Variants in ARL8B observed in about 807,000 individuals in gnomAD.
ARL8B encodes the protein ADP-ribosylation factor-like protein 8B.
A neutral mutation model predicts 30.6 loss-of-function variants in ARL8B; 9 were observed. That is an observed-to-expected ratio of 0.29 (90% confidence interval 0.18 to 0.51). The LOEUF is 0.51. Ranked by LOEUF, ARL8B falls within the 20% of genes least tolerant of loss-of-function variation. ARL8B has a pLI of 0.97. For synonymous variants in ARL8B, 74 were observed against 76.0 expected (o/e 0.97, Z 0.14); for missense variants, 130 against 227.2 (o/e 0.57, Z 2.75).
At position 5,180,819 on chromosome 3, in the gene ARL8B, G is replaced by T. The variant is rs2054771882; in HGVS notation, c.*2106G>T. 1 of 126,950 alleles carries T rather than the reference G, an allele frequency of 7.9e-6. No individual in the cohort carries two copies. The highest frequency in any genetic ancestry group is 3.4e-5 in the African/African-American group (1 of 29,478). The allele number at this position is 126,950 out of a possible 1,614,324, so 7.9% of individuals were successfully genotyped here. A position where few individuals can be genotyped will look rare whatever the true frequency, so the allele number is the denominator to read the frequency against. ...ACTTTTTTGGAAGTTTCCGAGAGGA[G>T]GGTCTATAGACCATTTGTCAGAAAT... On this transcript the variant is annotated 3_prime_UTR_variant, in exon 7 of 7. Coordinates refer to ENST00000256496, the MANE Select transcript of ARL8B (RefSeq NM_018184.3).
At chr3:5,154,160 CT>C (rs1234612901) in intron 1 of ARL8B, among the ~76,000 whole-genome samples, 1 of 151,824 alleles carries the variant, frequency 6.6e-6, no homozygotes, top group Non-Finnish European at 1.5e-5. Flanking sequence ...GTAATTTTGT[CT>C]TTGGAAATTT....
chr3:5,158,439 C>T (rs1378185371), intron 1 of ARL8B, among the ~76,000 whole-genome samples: 1 of 152,138 alleles, frequency 6.6e-6, no homozygotes, highest in Admixed American at 6.5e-5. Context: ...GTTCAAAATG[C>T]TGTATGTGTT....
At chr3:5,172,891 C>T (rs1173247023) in intron 4 of ARL8B, 151 bp downstream of exon 4, 1 of 584,586 alleles carries the variant, frequency 1.7e-6, no homozygotes, top group African/African-American at 1.9e-5. Context: ...CTGCCATATA[C>T]TGGGCATTGT....
intron 4 of ARL8B, among the ~76,000 whole-genome samples, chr3:5,173,713 T>TCAAACAAACAAA (rs10552472): frequency 1.7e-4 from 26 of 151,258 alleles, no homozygotes; most frequent in South Asian, 1.5e-3. Context: ...AGACTCTGTC[T>TCAAACAAACAAA]CAAACAAACA....
At chr3:5,151,930 T>C (rs997955378) in intron 1 of ARL8B, among the ~76,000 whole-genome samples, 3 of 152,176 alleles carry the variant, frequency 2.0e-5, no homozygotes, top group Non-Finnish European at 4.4e-5. Flanking sequence ...TCTTGCCATG[T>C]AACTTAGGCC....
At chr3:5,140,844 C>T (rs1299954029) in intron 1 of ARL8B, among the ~76,000 whole-genome samples, 3 of 152,202 alleles carry the variant, frequency 2.0e-5, no homozygotes, top group Non-Finnish European at 2.9e-5. Context: ...CTCATTTACT[C>T]ATCCAAACCC....
At chr3:5,151,023 A>G (rs1460869294) in intron 1 of ARL8B, among the ~76,000 whole-genome samples, 1 of 151,918 alleles carries the variant, frequency 6.6e-6, no homozygotes, top group African/African-American at 2.4e-5. Context: ...TATCTTTTTT[A>G]ATGTCGGTGG....
At chr3:5,151,105 C>G (rs2054479600) in intron 1 of ARL8B, among the ~76,000 whole-genome samples, 1 of 151,996 alleles carries the variant, frequency 6.6e-6, no homozygotes, top group Non-Finnish European at 1.5e-5. Context: ...TTTTAATTAT[C>G]TTTTTAGAGA....
At chr3:5,164,796 A>C (rs1387527483) in intron 1 of ARL8B, among the ~76,000 whole-genome samples, 3 of 152,220 alleles carry the variant, frequency 2.0e-5, no homozygotes, top group African/African-American at 7.2e-5. Context: ...TACCTTTTGG[A>C]TGCAGTCTAG....
At chr3:5,161,893 G>A (rs915949279) in intron 1 of ARL8B, among the ~76,000 whole-genome samples, 6 of 152,164 alleles carry the variant, frequency 3.9e-5, no homozygotes, top group Admixed American at 3.9e-4. Flanking sequence ...TTTATTGGGT[G>A]ATATTTGTAT....
intron 1 of ARL8B, among the ~76,000 whole-genome samples, chr3:5,152,904 A>AT (rs2054496855): frequency 6.6e-6 from 1 of 152,228 alleles, no homozygotes; most frequent in Non-Finnish European, 1.5e-5. Flanking sequence ...AATTATTGAT[A>AT]TTTAAGACTT....
At chr3:5,125,744 G>A (rs538348257) in intron 1 of ARL8B, among the ~76,000 whole-genome samples, 20 of 152,252 alleles carry the variant, frequency 1.3e-4, no homozygotes, top group African/African-American at 4.8e-4. Flanking sequence ...TGTTGGGCAG[G>A]CTGTTCTCGA....
At chr3:5,134,356 GTCT>G (rs1207499833) in intron 1 of ARL8B, among the ~76,000 whole-genome samples, 1 of 152,184 alleles carries the variant, frequency 6.6e-6, no homozygotes, top group Non-Finnish European at 1.5e-5. Context: ...CCCAGAAGAG[GTCT>G]TTAATAGCTG....
chr3:5,178,624 T>G (rs762715128), intron 6 of ARL8B, 40 bp from the exon 7 acceptor site: 4 of 1,576,946 alleles, frequency 2.5e-6, no homozygotes, highest in South Asian at 1.1e-5. Flanking sequence ...ATGTTTAGTT[T>G]TTTAACTTTA....
chr3:5,140,817 C>G (rs886688975), intron 1 of ARL8B, among the ~76,000 whole-genome samples: 19 of 152,128 alleles, frequency 1.2e-4, no homozygotes, highest in African/African-American at 4.6e-4. Flanking sequence ...GATGTTGGTT[C>G]ACGCCTGTGA....
intron 1 of ARL8B, among the ~76,000 whole-genome samples, chr3:5,166,970 C>T (rs996105109): frequency 2.0e-5 from 3 of 152,132 alleles, no homozygotes; most frequent in East Asian, 1.9e-4. Flanking sequence ...AAACCATAAA[C>T]GTTAGGGCTG....
chr3:5,132,674 C>T (rs2054293526), intron 1 of ARL8B, among the ~76,000 whole-genome samples: 1 of 152,202 alleles, frequency 6.6e-6, no homozygotes, highest in South Asian at 2.1e-4. Context: ...TGCCACATGA[C>T]AAGCTCTTTA....
At chr3:5,175,353 T>C (rs1367008049) in intron 6 of ARL8B, among the ~76,000 whole-genome samples, 1 of 152,148 alleles carries the variant, frequency 6.6e-6, no homozygotes, top group Non-Finnish European at 1.5e-5. Flanking sequence ...AGTCGTGAGG[T>C]TAAGATTATG....
chr3:5,134,478 G>C (rs886148004), intron 1 of ARL8B, among the ~76,000 whole-genome samples: 4 of 152,174 alleles, frequency 2.6e-5, no homozygotes, highest in Admixed American at 1.3e-4. Flanking sequence ...GCCTGGCTTA[G>C]GTTTGTATAG....
Sources: allele counts gnomAD v4.1 joint callset (sites outside exome capture counted in the v4.1 genomes callset), GRCh38; gene constraint gnomAD v4.1.1; transcripts MANE v1.5; gene names NCBI Gene and HGNC (gene_info 2026-07-23, HGNC 2026-07-21).